CCDC180: variants seen among roughly 807,000 people sequenced by gnomAD.
The protein encoded by CCDC180 is coiled-coil domain containing 180.
A neutral mutation model predicts 209.2 loss-of-function variants in CCDC180; 154 were observed. The observed-to-expected ratio is 0.74, with a 90% confidence interval of 0.65 to 0.84. The LOEUF (loss-of-function observed/expected upper bound fraction) is 0.84, where lower values mean the gene tolerates loss of function less well. Among genes scored for constraint, CCDC180 ranks in the 40% least tolerant of loss-of-function variants. The probability of loss-of-function intolerance (pLI) is 0.00; values close to 1 mark genes in which losing one functional copy is unlikely to be tolerated. For synonymous variants in CCDC180, 778 were observed against 749.1 expected (o/e 1.04, Z -0.63); for missense variants, 1,874 against 1,997.3 (o/e 0.94, Z 1.18).
At chr9:97,311,240 A>G (rs562270763) in intron 3 of CCDC180, among the ~76,000 whole-genome samples, 1 of 152,188 alleles carries the variant, frequency 6.6e-6, no homozygotes, top group Admixed American at 6.5e-5. Context: ...AGGTGTCATC[A>G]TCTCAGCTCC....
At chr9:97,325,605 A>G (rs559016563) in intron 14 of CCDC180, among the ~76,000 whole-genome samples, 5 of 152,352 alleles carry the variant, frequency 3.3e-5, no homozygotes, top group Admixed American at 3.3e-4. Context: ...TAGTTGTTCA[A>G]TAAGGATGGA....
chr9:97,361,906 G>A lies in CCDC180; in HGVS notation c.3656+8G>A, dbSNP rs1186808424. On this transcript the variant is annotated splice_region_variant and intron_variant, in intron 27 of 36. Coordinates refer to ENST00000529487, the MANE Select transcript of CCDC180 (RefSeq NM_020893.6). ...GATCAGGAAGCTCCTGCAGTGAGTG[G>A]CCCCAGGGTGCACCTAAGGCTCTGC... 1 of 1,613,096 alleles carries A rather than the reference G, an allele frequency of 6.2e-7. No homozygotes were observed. The highest frequency in any genetic ancestry group is 1.7e-5 in the Admixed American group (1 of 59,984).
intron 18 of CCDC180, among the ~76,000 whole-genome samples, chr9:97,338,464 G>T (rs1825976757): frequency 6.6e-6 from 1 of 152,178 alleles, no homozygotes; most frequent in African/African-American, 2.4e-5. Context: ...CCATGGAGTT[G>T]TGCGGTTTTG....
At chr9:97,360,853 T>C (rs928900954) in intron 26 of CCDC180, among the ~76,000 whole-genome samples, 2 of 152,238 alleles carry the variant, frequency 1.3e-5, no homozygotes, top group Non-Finnish European at 2.9e-5. Flanking sequence ...ACACCTCACA[T>C]TGGGCTGAGA....
intron 36 of CCDC180, 107 bp downstream of exon 36, chr9:97,375,696 C>T (rs1827236518): frequency 7.2e-7 from 1 of 1,387,786 alleles, no homozygotes; most frequent in Non-Finnish European, 1.0e-6. Context: ...GCTGGTGCAG[C>T]AGGCAACACA....
intron 3 of CCDC180, among the ~76,000 whole-genome samples, chr9:97,311,363 C>T (rs72749627): frequency 6.6e-6 from 1 of 152,364 alleles, no homozygotes; most frequent in Non-Finnish European, 1.5e-5. Flanking sequence ...AGCTTCCTCC[C>T]TGCTAGGTCT....
rs1833087432 is a variant in CCDC180, at chr9:97,314,373, A to AG, written c.460-20_460-19insG. On this transcript the variant is annotated intron_variant, in intron 5 of 36. Coordinates refer to ENST00000529487, the MANE Select transcript of CCDC180 (RefSeq NM_020893.6). ...CAGGGGTGCTGATGCCTTGGCCATC[A>AG]TACCCCTGGCCTGTTGCAGGAAATG... The AG allele has an allele frequency of 3.1e-6, 5 of 1,613,954 alleles. No homozygotes were observed. Among genetic ancestry groups the AG allele is most frequent in the Middle Eastern group, 1.6e-4 (1 of 6,062 alleles).
rs745648934 is a variant in CCDC180, at chr9:97,357,758, T to C, written c.3363+33T>C. ...TTCAATAGATTCTGCATGTGAATAA[T>C]AAAGATATATCATGCTAAAGTCATA... On this transcript the variant is annotated intron_variant, in intron 25 of 36. Coordinates refer to ENST00000529487, the MANE Select transcript of CCDC180 (RefSeq NM_020893.6). The C allele has an allele frequency of 2.1e-6, 3 of 1,436,834 alleles. No individual in the cohort carries two copies. In the Admixed American group the frequency reaches 5.4e-5, roughly 26 times the overall value. 89.0% of individuals were successfully genotyped at this position (1,436,834 alleles called of 1,614,324 possible). A position where few individuals can be genotyped will look rare whatever the true frequency, so the allele number is the denominator to read the frequency against.
chr9:97,317,307 T>G (rs1388430049), intron 9 of CCDC180, 79 bp downstream of exon 9: 1 of 1,299,104 alleles, frequency 7.7e-7, no homozygotes, highest in Non-Finnish European at 1.0e-6. Flanking sequence ...CTCCCTCACT[T>G]TTTGCCATTA....
rs1826918533 is a variant in CCDC180, at chr9:97,366,344, A to G, written c.4048-215A>G. 6.6e-6 allele frequency among the ~76,000 whole-genome samples: 1 copy of G among 152,172 alleles called. No homozygotes were observed. Among genetic ancestry groups the G allele is most frequent in the South Asian group, 2.1e-4 (1 of 4,830 alleles). On this transcript the variant is annotated intron_variant, in intron 30 of 36. Coordinates refer to ENST00000529487, the MANE Select transcript of CCDC180 (RefSeq NM_020893.6). This position sits in a 1 kb window ranked among gnomAD's most constrained non-coding sequence, Gnocchi z 4.3. ...TTGCCAGTCACTCATTCAGGAAATAACGAGGGCTGGCCATGGCTCCACTCA... is the reference window on the plus strand; with the variant it reads ...TTGCCAGTCACTCATTCAGGAAATAGCGAGGGCTGGCCATGGCTCCACTCA...
intron 18 of CCDC180, among the ~76,000 whole-genome samples, chr9:97,335,111 T>C (rs1313135441): frequency 6.6e-6 from 1 of 152,210 alleles, no homozygotes; most frequent in South Asian, 2.1e-4. Context: ...AGTAAGACTT[T>C]CCATGTTAGC....
At chr9:97,330,222 C>T in intron 17 of CCDC180, 29 bp downstream of exon 17, 1 of 1,613,132 alleles carries the variant, frequency 6.2e-7, no homozygotes, top group Non-Finnish European at 8.5e-7. Context: ...AAGTTTTATT[C>T]TCCCAGACTT....
chr9:97,315,056 T>A, intron 8 of CCDC180, 110 bp downstream of exon 8: 1 of 767,746 alleles, frequency 1.3e-6, no homozygotes, highest in Non-Finnish European at 2.2e-6. Context: ...GGGCTTCTCA[T>A]CTATAACGTT....
rs1564142293 is a variant in CCDC180, at chr9:97,307,988, G to A, written c.-76G>A. 2 of 1,595,296 alleles carry A rather than the reference G, an allele frequency of 1.3e-6. No homozygotes were observed. The highest frequency in any genetic ancestry group is 4.5e-5 in the East Asian group (2 of 44,700). Reference sequence around the variant, plus strand: ...GGGCGATTTCCCAACCTCAGGAATTGGAATTGAGACACCAAAGCCTAGACG... The same window carrying A: ...GGGCGATTTCCCAACCTCAGGAATTAGAATTGAGACACCAAAGCCTAGACG... On this transcript the variant is annotated 5_prime_UTR_variant, in exon 2 of 37. Transcript: ENST00000529487.
chr9:97,328,848 A>C (rs1825643124), intron 16 of CCDC180, among the ~76,000 whole-genome samples: 1 of 152,186 alleles, frequency 6.6e-6, no homozygotes. Context: ...ATATTTCTTA[A>C]AGGGCAAGTA....
chr9:97,361,291 A>C lies in CCDC180; in HGVS notation c.3484-435A>C, dbSNP rs575581510. 4.6e-5 allele frequency among the ~76,000 whole-genome samples: 7 copies of C among 152,344 alleles called. No individual in the cohort carries two copies. In the South Asian group the frequency reaches 1.4e-3, roughly 32 times the overall value. ...TTGGTCAAAAACATTGACCGGGCAC[A>C]TCTGCAGGTCTAACTTCAATCTCAC... On this transcript the variant is annotated intron_variant, in intron 26 of 36. Coordinates refer to ENST00000529487, the MANE Select transcript of CCDC180 (RefSeq NM_020893.6).
rs146846524 is a variant in CCDC180, at chr9:97,337,772, G to A, written c.2275-5568G>A. Reference sequence around the variant, plus strand: ...CCTCTTTGTACCTCTGGTAGAATTCGGCTGTGAATCCATCTGGTCCTGGAC... The same window carrying A: ...CCTCTTTGTACCTCTGGTAGAATTCAGCTGTGAATCCATCTGGTCCTGGAC... On this transcript the variant is annotated intron_variant, in intron 18 of 36. Coordinates refer to ENST00000529487, the MANE Select transcript of CCDC180 (RefSeq NM_020893.6). 2.4e-4 allele frequency among the ~76,000 whole-genome samples: 36 copies of A among 152,226 alleles called. No individual in the cohort carries two copies. The East Asian group carries it at 4.8e-3, about 20-fold the overall frequency.
At position 97,349,238 on chromosome 9, in the gene CCDC180, C is replaced by T; in HGVS notation, c.2802C>T (p.Arg934=). 1 of 1,536,664 alleles carries T rather than the reference C, an allele frequency of 6.5e-7. No homozygotes were observed. Among genetic ancestry groups the T allele is most frequent in the Non-Finnish European group, 8.7e-7 (1 of 1,147,046 alleles). ...EEQNVRSKNF[R]LKIYDMEHIF... ...AAAACGTGAGGAGCAAAAACTTCCGCCTTAAGATCTATGACATGGAGCACA... is the reference window on the plus strand; with the variant it reads ...AAAACGTGAGGAGCAAAAACTTCCGTCTTAAGATCTATGACATGGAGCACA... Residue 934 remains arginine, a synonymous_variant, in exon 21 of 37, where the codon CGC becomes CGT. Coordinates refer to ENST00000529487, the MANE Select transcript of CCDC180 (RefSeq NM_020893.6).
chr9:97,349,876 G>A (rs984304520), intron 21 of CCDC180, among the ~76,000 whole-genome samples: 2 of 152,100 alleles, frequency 1.3e-5, no homozygotes, highest in Non-Finnish European at 2.9e-5. Flanking sequence ...CACTCGCAGG[G>A]CACTCTTTTG....
Sources: gnomAD v4.1 joint callset for allele counts (sites outside exome capture counted in the v4.1 genomes callset) on GRCh38, gnomAD v4.1.1 for gene constraint, Gnocchi (gnomAD v3.1) non-coding constraint, MANE v1.5 for transcripts, NCBI Gene and HGNC (gene_info 2026-07-23, HGNC 2026-07-21) for gene names.